Variants in MGAT4C observed in about 807,000 individuals in gnomAD.
MGAT4C encodes MGAT4 family member C.
A neutral mutation model predicts 40.1 loss-of-function variants in MGAT4C; 19 were observed. The observed-to-expected ratio is 0.47, with a 90% confidence interval of 0.33 to 0.70. MGAT4C has a LOEUF of 0.70. Among genes scored for constraint, MGAT4C ranks in the 30% least tolerant of loss-of-function variants. MGAT4C has a pLI of 0.02. For missense variants in MGAT4C, 491 were observed against 563.2 expected (o/e 0.87, Z 1.30); for synonymous variants, 181 against 187.1 (o/e 0.97, Z 0.27).
intron 2 of MGAT4C, among the ~76,000 whole-genome samples, chr12:86,446,052 A>G (rs1382662175): frequency 6.6e-6 from 1 of 152,064 alleles, no homozygotes; most frequent in Admixed American, 6.6e-5. Context: ...CTTCAGTAAA[A>G]CTTTATATGT....
intron 2 of MGAT4C, among the ~76,000 whole-genome samples, chr12:86,538,829 G>A (rs890441764): frequency 2.6e-5 from 4 of 151,812 alleles, no homozygotes; most frequent in Non-Finnish European, 4.4e-5. Context: ...GGATGGTCTC[G>A]ATCTTCTGAC....
At chr12:86,152,981 T>C (rs1392978964) in intron 1 of MGAT4C, among the ~76,000 whole-genome samples, 1 of 152,170 alleles carries the variant, frequency 6.6e-6, no homozygotes, top group Non-Finnish European at 1.5e-5. Context: ...TTTTCAGTCC[T>C]ACCAATAATA....
At chr12:86,201,862 G>C (rs913340420) in intron 1 of MGAT4C, among the ~76,000 whole-genome samples, 6 of 151,946 alleles carry the variant, frequency 3.9e-5, no homozygotes, top group Non-Finnish European at 8.8e-5. Flanking sequence ...CAGATATATT[G>C]CATGTTGTCC....
intron 2 of MGAT4C, among the ~76,000 whole-genome samples, chr12:86,639,744 C>T (rs1963325303): frequency 6.6e-6 from 1 of 151,608 alleles, no homozygotes; most frequent in African/African-American, 2.4e-5. Flanking sequence ...CATTTAAATG[C>T]TGTATAATAG....
chr12:86,006,331 T>C (rs1887870471), intron 2 of MGAT4C, among the ~76,000 whole-genome samples: 1 of 152,160 alleles, frequency 6.6e-6, no homozygotes, highest in African/African-American at 2.4e-5. Flanking sequence ...ACTGGGTTTC[T>C]AACCATTAAT....
At chr12:86,677,198 G>A (rs531266007) in intron 2 of MGAT4C, among the ~76,000 whole-genome samples, 1 of 152,108 alleles carries the variant, frequency 6.6e-6, no homozygotes, top group African/African-American at 2.4e-5. Flanking sequence ...AATCATAAAG[G>A]CCTTCCTGAA....
chr12:86,565,436 T>TG (rs1365869062), intron 2 of MGAT4C, among the ~76,000 whole-genome samples: 2 of 152,166 alleles, frequency 1.3e-5, no homozygotes, highest in Admixed American at 6.5e-5. Context: ...TACCTGAAAG[T>TG]GGGCAGCTGC....
In MGAT4C at chr12:86,813,437, T is replaced by C. The variant is rs555738505; in HGVS notation, c.-262+25229A>G. Among the ~76,000 whole-genome samples, 5 of 143,892 alleles carry C rather than the reference T, an allele frequency of 3.5e-5. No homozygotes were observed. The South Asian group carries it at 1.0e-3, about 30-fold the overall frequency. The allele number at this position is 143,892 out of a possible 152,430, so 94.4% of individuals were successfully genotyped here. On this transcript the variant is annotated intron_variant, in intron 1 of 7. Transcript: ENST00000548651. ...TAAAGAAATAATCTAATTTTGAAATTTTCTCATAGTCTAGTGAATTTTCCT... is the reference window on the plus strand; with the variant it reads ...TAAAGAAATAATCTAATTTTGAAATCTTCTCATAGTCTAGTGAATTTTCCT...
At chr12:86,363,467 TG>T (rs1333008535) in intron 3 of MGAT4C, among the ~76,000 whole-genome samples, 11 of 152,064 alleles carry the variant, frequency 7.2e-5, no homozygotes, top group Admixed American at 2.0e-4. Context: ...AATTCAGAGT[TG>T]GGGGGAAAAT....
chr12:86,281,078 T>C (rs147924996), intron 4 of MGAT4C, among the ~76,000 whole-genome samples: 2 of 152,188 alleles, frequency 1.3e-5, no homozygotes, highest in East Asian at 3.9e-4. Flanking sequence ...TATTATCCTA[T>C]CTTCTTTTTG....
intron 2 of MGAT4C, among the ~76,000 whole-genome samples, chr12:86,515,887 T>G (rs372811582): frequency 8.6e-5 from 13 of 151,870 alleles, no homozygotes; most frequent in African/African-American, 3.1e-4. Context: ...GGACTACAGA[T>G]GCCCACCACC....
chr12:86,802,904 GA>G (rs1952260120), intron 1 of MGAT4C, among the ~76,000 whole-genome samples: 1 of 137,454 alleles, frequency 7.3e-6, no homozygotes, highest in South Asian at 2.5e-4. Context: ...CACAGAATTG[GA>G]AAAAACTACT....
intron 1 of MGAT4C, among the ~76,000 whole-genome samples, chr12:86,750,461 G>T (rs1180916706): frequency 6.6e-6 from 1 of 151,742 alleles, no homozygotes; most frequent in Non-Finnish European, 1.5e-5. Flanking sequence ...CACCTCCAAG[G>T]CATTTGAGTG....
chr12:86,432,888 C>A (rs373028877), intron 3 of MGAT4C, among the ~76,000 whole-genome samples: 6 of 151,962 alleles, frequency 3.9e-5, no homozygotes, highest in East Asian at 1.9e-4. Context: ...ATTTCCTGTT[C>A]AACTTTTTTT....
rs77028666 is a variant in MGAT4C at position 86,546,063 on chromosome 12, G to A, written c.-228-110798C>T. 6.0e-3 allele frequency among the ~76,000 whole-genome samples: 914 copies of A among 151,896 alleles called. 7 individuals carry two copies. Among genetic ancestry groups the A allele is most frequent in the African/African-American group, 0.02 (811 of 41,516 alleles). On this transcript the variant is annotated intron_variant, in intron 2 of 7. Coordinates refer to the MGAT4C transcript ENST00000548651. ...ATAAATAGATCCCAATGCTCAAAAC[G>A]TTGACGTTTTTGAATTATGGTCATA...
At chr12:85,982,327 TAC>T (rs1884692572) in intron 4 of MGAT4C, among the ~76,000 whole-genome samples, 1 of 152,122 alleles carries the variant, frequency 6.6e-6, no homozygotes, top group Non-Finnish European at 1.5e-5. Flanking sequence ...TAGCTGGAAT[TAC>T]AGGTGTACAC....
intron 2 of MGAT4C, among the ~76,000 whole-genome samples, chr12:86,707,768 C>A (rs937201066): frequency 5.3e-5 from 8 of 151,930 alleles, no homozygotes; most frequent in Non-Finnish European, 7.4e-5. Context: ...TGAGCTCAGG[C>A]AATCTACATA....
At chr12:86,245,715 C>G (rs954501088) in intron 1 of MGAT4C, among the ~76,000 whole-genome samples, 1 of 152,166 alleles carries the variant, frequency 6.6e-6, no homozygotes, top group African/African-American at 2.4e-5. Context: ...GGTTAGTACT[C>G]AAATCCTGTT....
intron 2 of MGAT4C, among the ~76,000 whole-genome samples, chr12:86,468,175 C>G (rs368323233): frequency 1.2e-3 from 175 of 152,168 alleles, no homozygotes; most frequent in African/African-American, 4.1e-3. Context: ...ATTCTTTCCA[C>G]CTAAAAATAA....
Sources: gnomAD v4.1 joint callset for allele counts (sites outside exome capture counted in the v4.1 genomes callset) on GRCh38, gnomAD v4.1.1 for gene constraint, MANE v1.5 for transcripts, NCBI Gene and HGNC (gene_info 2026-07-23, HGNC 2026-07-21) for gene names.